Variants in DSCAM observed in about 807,000 individuals in gnomAD.
DSCAM encodes DS cell adhesion molecule, also known as cell adhesion molecule DSCAM.
In DSCAM, 47 loss-of-function variants were observed where a neutral mutation model predicts 217.7. The ratio of observed to expected loss-of-function variants is 0.22; its 90% CI spans 0.17 to 0.28. DSCAM has a LOEUF of 0.28. Among genes scored for constraint, DSCAM ranks in the 10% least tolerant of loss-of-function variants. DSCAM has a pLI of 1.00. For synonymous variants in DSCAM, 1,056 were observed against 1,015.3 expected (o/e 1.04, Z -0.76); for missense variants, 2,080 against 2,618.3 (o/e 0.79, Z 4.49).
rs200672500 is a variant in DSCAM at position 40,265,483 on chromosome 21, T to TAAA, written c.2356+10611_2356+10613dup. 4.3e-4 allele frequency among the ~76,000 whole-genome samples: 61 copies of TAAA among 141,208 alleles called. No individual in the cohort carries two copies. In the South Asian group the frequency reaches 9.5e-3, roughly 22 times the overall value. The allele number at this position is 141,208 out of a possible 152,430, so 92.6% of individuals were successfully genotyped here. ...AATACCAACATCGTTTTTCACAAAA[T>TAAA]AAAAAAAAAAACATAAAATTCATAG... On this transcript the variant is annotated intron_variant, in intron 11 of 32. Coordinates refer to ENST00000400454, the MANE Select transcript of DSCAM (RefSeq NM_001389.5).
At chr21:40,732,087 A>G (rs1231176779) in intron 1 of DSCAM, among the ~76,000 whole-genome samples, 1 of 152,162 alleles carries the variant, frequency 6.6e-6, no homozygotes, top group Admixed American at 6.5e-5. Flanking sequence ...GTCAGTGGTT[A>G]AGGCTTCAAC....
chr21:40,231,508 T>C (rs1433338036), intron 11 of DSCAM, among the ~76,000 whole-genome samples: 2 of 152,080 alleles, frequency 1.3e-5, no homozygotes, highest in Non-Finnish European at 1.5e-5. Context: ...TTTTCTTTTA[T>C]TTCTTTTTTT....
At chr21:40,170,093 G>A (rs572868783) in intron 15 of DSCAM, among the ~76,000 whole-genome samples, 2 of 152,182 alleles carry the variant, frequency 1.3e-5, no homozygotes, top group African/African-American at 2.4e-5. Flanking sequence ...CTTTCGTTCC[G>A]CGCACTCCCT....
chr21:40,592,960 AG>A (rs1252910766), intron 3 of DSCAM, among the ~76,000 whole-genome samples: 1 of 152,228 alleles, frequency 6.6e-6, no homozygotes, highest in Non-Finnish European at 1.5e-5. Flanking sequence ...AATGGAAACG[AG>A]GTTTTAAAAG....
chr21:40,142,489 G>T, intron 18 of DSCAM, 69 bp downstream of exon 18: 1 of 1,579,634 alleles, frequency 6.3e-7, no homozygotes, highest in South Asian at 1.1e-5. Context: ...TTAGGAACTA[G>T]GAGGGGTCTG....
intron 1 of DSCAM, among the ~76,000 whole-genome samples, chr21:40,816,450 G>A (rs1227782459): frequency 1.3e-5 from 2 of 152,150 alleles, no homozygotes; most frequent in African/African-American, 2.4e-5. Context: ...GTGGTGGCAT[G>A]CACCTGTAGT....
intron 11 of DSCAM, among the ~76,000 whole-genome samples, chr21:40,214,014 T>C (rs1055502867): frequency 6.6e-6 from 1 of 152,186 alleles, no homozygotes; most frequent in Non-Finnish European, 1.5e-5. Context: ...ATTGGAGTCA[T>C]TGCCCCCATA....
chr21:40,668,670 C>T (rs1484821784), intron 3 of DSCAM, among the ~76,000 whole-genome samples: 1 of 152,170 alleles, frequency 6.6e-6, no homozygotes, highest in Non-Finnish European at 1.5e-5. Context: ...GTGCACTAAA[C>T]TGTTTAAGTA....
chr21:40,805,760 G>C (rs2091780983), intron 1 of DSCAM, among the ~76,000 whole-genome samples: 1 of 151,584 alleles, frequency 6.6e-6, no homozygotes, highest in Admixed American at 6.6e-5. Context: ...CCAGGCTGGA[G>C]TGCAGTGGCC....
intron 2 of DSCAM, among the ~76,000 whole-genome samples, chr21:40,697,659 T>C (rs894704425): frequency 3.9e-5 from 6 of 152,216 alleles, no homozygotes; most frequent in Admixed American, 3.9e-4. Context: ...CATGGACTTA[T>C]ATTTGGATTC....
At chr21:40,479,926 A>C (rs1333968299) in intron 3 of DSCAM, among the ~76,000 whole-genome samples, 1 of 152,192 alleles carries the variant, frequency 6.6e-6, no homozygotes, top group East Asian at 1.9e-4. Context: ...GCACACACAA[A>C]CTCACACACA....
chr21:40,483,225 T>C (rs1399172734), intron 3 of DSCAM, among the ~76,000 whole-genome samples: 1 of 152,214 alleles, frequency 6.6e-6, no homozygotes, highest in Non-Finnish European at 1.5e-5. Context: ...ACTTACAAAT[T>C]AGCAAATATC....
At chr21:40,615,643 A>T (rs1305418927) in intron 3 of DSCAM, among the ~76,000 whole-genome samples, 1 of 152,116 alleles carries the variant, frequency 6.6e-6, no homozygotes, top group Non-Finnish European at 1.5e-5. Flanking sequence ...AGCTGCATTC[A>T]TTTCAAACCT....
At position 40,276,216 on chromosome 21, in the gene DSCAM, A is replaced by G; in HGVS notation, c.2237T>C (p.Leu746Pro). Residue 746 changes from leucine to proline, a missense_variant, in exon 11 of 33, where the codon CTC becomes CCC. Physicochemically the swap from Leu to Pro is moderately conservative, Grantham distance 98. Transcript: ENST00000400454. ...CTTGATCAGCAACGACCCATTGCTGAGAACTTGGATTCGGCCATTTAGGGC... is the reference window on the plus strand; with the variant it reads ...CTTGATCAGCAACGACCCATTGCTGGGAACTTGGATTCGGCCATTTAGGGC... The part of the protein sequence containing the change: ...PIALNGRIQV[L>P]SNGSLLIKHV... The G allele has an allele frequency of 1.2e-6, 2 of 1,613,102 alleles. No individual in the cohort carries two copies. The highest frequency in any genetic ancestry group is 1.7e-6 in the Non-Finnish European group (2 of 1,179,542).
chr21:40,342,924 G>A (rs10432870), intron 6 of DSCAM, among the ~76,000 whole-genome samples: 1 of 150,894 alleles, frequency 6.6e-6, no homozygotes, highest in Non-Finnish European at 1.5e-5. Context: ...GTTAACTTAG[G>A]AATATTTAGT....
intron 20 of DSCAM, among the ~76,000 whole-genome samples, chr21:40,112,281 T>C (rs1201819766): frequency 6.7e-6 from 1 of 149,252 alleles, no homozygotes; most frequent in Non-Finnish European, 1.5e-5. Flanking sequence ...ATCGCTTAAC[T>C]ACATGGAAAC....
At chr21:40,015,452 T>G (rs1349775619) in intron 32 of DSCAM, among the ~76,000 whole-genome samples, 2 of 150,606 alleles carry the variant, frequency 1.3e-5, no homozygotes, top group Admixed American at 6.7e-5. Context: ...CAAGAAGAGA[T>G]AGAGTCTTGC....
In DSCAM at chr21:40,574,086, A is replaced by AT. The variant is rs34505114; in HGVS notation, c.508+118723dup. On this transcript the variant is annotated intron_variant, in intron 3 of 32. Coordinates refer to ENST00000400454, the MANE Select transcript of DSCAM (RefSeq NM_001389.5). ...TAATACCAATTACCAATCCTTCACA[A>AT]TTTTTTTTTTAATAGAGGAGGAGGG... is the stretch of plus-strand genomic sequence containing the variant. Among the ~76,000 whole-genome samples the AT allele has an allele frequency of 1.2e-4, 18 of 150,770 alleles. No homozygotes were observed. In the East Asian group the frequency reaches 1.4e-3, roughly 11 times the overall value.
At chr21:40,440,969 G>A (rs1601646136) in intron 3 of DSCAM, among the ~76,000 whole-genome samples, 2 of 152,186 alleles carry the variant, frequency 1.3e-5, no homozygotes, top group East Asian at 1.9e-4. Flanking sequence ...CTTCAGGCAA[G>A]TTTGGGGTCT....
Sources: allele counts gnomAD v4.1 joint callset (sites outside exome capture counted in the v4.1 genomes callset), GRCh38; gene constraint gnomAD v4.1.1; transcripts MANE v1.5; gene names NCBI Gene and HGNC (gene_info 2026-07-23, HGNC 2026-07-21).